Variants in KPNA1 observed in about 807,000 individuals in gnomAD.
KPNA1 encodes the protein karyopherin subunit alpha 1.
A neutral mutation model predicts 70.5 loss-of-function variants in KPNA1; 10 were observed. The ratio of observed to expected loss-of-function variants is 0.14; its 90% confidence interval spans 0.09 to 0.24. KPNA1 has a LOEUF of 0.24. KPNA1 is among the 10% of genes least tolerant of loss of function. The pLI is 1.00. For synonymous variants in KPNA1, 192 were observed against 221.9 expected, an observed-to-expected ratio of 0.87 and a Z score of 1.20; for missense variants, 397 against 637.9, an observed-to-expected ratio of 0.62 and a Z score of 4.07.
chr3:122,437,280 A>G lies in KPNA1; in HGVS notation c.1012T>C (p.Ser338Pro), dbSNP rs1226031500. Residue 338 changes from serine (S) to proline (P), a missense_variant, in exon 11 of 14, where the codon TCA becomes CCA. Ser to Pro is a moderately conservative substitution (Grantham distance 74, BLOSUM62 -1). Coordinates refer to ENST00000344337, the MANE Select transcript of KPNA1 (RefSeq NM_002264.4). ...DIQTQVILNC[S>P]ALQSLLHLLS... ...AAATGCAATAAACTCTGCAGAGCTG[A>G]GCAATTCAGAATTACCTAAAAGAAA... is the stretch of plus-strand genomic sequence containing the variant. The G allele has an allele frequency of 6.2e-7, 1 of 1,605,286 alleles. No homozygotes were observed. The highest frequency in any genetic ancestry group is 8.5e-7 in the Non-Finnish European group (1 of 1,176,828).
At chr3:122,452,131 A>T in intron 6 of KPNA1, 67 bp from the exon 7 acceptor site, 1 of 990,204 alleles carries the variant, frequency 1.0e-6, no homozygotes, top group Non-Finnish European at 1.6e-6. Context: ...TTCAGATGCC[A>T]GTATATCACA....
At chr3:122,461,087 C>T in intron 5 of KPNA1, 137 bp downstream of exon 5, 1 of 509,018 alleles carries the variant, frequency 2.0e-6, no homozygotes, top group Non-Finnish European at 3.5e-6. Context: ...AAGCAGCTTG[C>T]AATGTAGTTG....
At chr3:122,501,831 C>CTTA (rs958969335) in intron 1 of KPNA1, among the ~76,000 whole-genome samples, 1 of 152,152 alleles carries the variant, frequency 6.6e-6, no homozygotes, top group African/African-American at 2.4e-5. Flanking sequence ...GCCTCCAACT[C>CTTA]TTATTACTGA....
chr3:122,465,025 T>C (rs2076364633), intron 3 of KPNA1, among the ~76,000 whole-genome samples: 1 of 152,238 alleles, frequency 6.6e-6, no homozygotes. Flanking sequence ...CATTCATATA[T>C]ATATATACAC....
chr3:122,484,372 T>C (rs1466847482), intron 2 of KPNA1, among the ~76,000 whole-genome samples: 6 of 152,140 alleles, frequency 3.9e-5, no homozygotes, highest in Non-Finnish European at 8.8e-5. Context: ...TTATAAAAAA[T>C]AAACATGACC....
intron 4 of KPNA1, among the ~76,000 whole-genome samples, chr3:122,462,028 G>A (rs2076329481): frequency 6.6e-6 from 1 of 152,156 alleles, no homozygotes; most frequent in Non-Finnish European, 1.5e-5. Context: ...TGGCCTTACT[G>A]AAAGAGGTGA....
chr3:122,499,077 A>T (rs2076795134), intron 1 of KPNA1, among the ~76,000 whole-genome samples: 1 of 152,230 alleles, frequency 6.6e-6, no homozygotes, highest in South Asian at 2.1e-4. Context: ...TGTATTTTAC[A>T]ATCCTGCTGA....
Position 122,496,496 on chromosome 3 carries a change from T to C in KPNA1, c.70A>G (p.Met24Val). Reference sequence around the variant, plus strand: ...CCTTCTTCCTCCCTCCTCCTGCGCATCTCATCGGGATTCAGAGATTTGTTC... The same window carrying C: ...CCTTCTTCCTCCCTCCTCCTGCGCACCTCATCGGGATTCAGAGATTTGTTC... ...YKNKSLNPDE[M>V]RRRREEEGLQ... The change falls in exon 2 of 14, where the codon ATG (methionine) becomes GTG (valine). Residue 24 changes from methionine (M) to valine (V), a missense_variant. Coordinates refer to ENST00000344337, the MANE Select transcript of KPNA1 (RefSeq NM_002264.4). The C allele has an allele frequency of 1.2e-6, 2 of 1,611,358 alleles. No individual in the cohort carries two copies. The highest frequency in any genetic ancestry group is 1.7e-6 in the Non-Finnish European group (2 of 1,177,532).
chr3:122,449,425 T>C (rs905378765), intron 9 of KPNA1, 149 bp downstream of exon 9: 6 of 630,950 alleles, frequency 9.5e-6, no homozygotes, highest in Admixed American at 3.4e-5. Flanking sequence ...CAAACAGATC[T>C]GACATCAAAA....
At position 122,426,848 on chromosome 3, in the gene KPNA1, C is replaced by T. The variant is rs776922157; in HGVS notation, c.*137G>A. On this transcript the variant is annotated 3_prime_UTR_variant, in exon 14 of 14. Transcript: ENST00000344337. ...CCAGATGTGTGTAAGAGAGCAGGTG[C>T]GCAAGGCAAGCAAATGAGCGCAAAC... 4.9e-5 allele frequency: 31 copies of T among 638,850 alleles called. No individual in the cohort carries two copies. The highest frequency in any genetic ancestry group is 7.7e-5 in the Non-Finnish European group (29 of 378,242). 39.6% of individuals were successfully genotyped at this position (638,850 alleles called of 1,614,324 possible).
At chr3:122,439,749 CTG>C (rs1269506944) in intron 10 of KPNA1, among the ~76,000 whole-genome samples, 2 of 151,828 alleles carry the variant, frequency 1.3e-5, no homozygotes, top group East Asian at 1.9e-4. Flanking sequence ...CAGCAACAAC[CTG>C]TGTGTGTGAC....
chr3:122,437,686 G>A (rs999564127), intron 10 of KPNA1, among the ~76,000 whole-genome samples: 8 of 152,024 alleles, frequency 5.3e-5, no homozygotes, highest in African/African-American at 1.5e-4. Flanking sequence ...GTCAATGAAC[G>A]AATACGTACT....
chr3:122,507,331 C>G lies in KPNA1; in HGVS notation c.-6+7426G>C, dbSNP rs187778824. ...TGGCGGGCGCTTGCAATCCCAGCTA[C>G]TCGGGAGGTTGAGGCAGGAGAATCA... On this transcript the variant is annotated intron_variant, in intron 1 of 13. Coordinates refer to ENST00000344337, the MANE Select transcript of KPNA1 (RefSeq NM_002264.4). Among the ~76,000 whole-genome samples the G allele has an allele frequency of 2.6e-3, 399 of 151,570 alleles. 9 individuals carry two copies. Among genetic ancestry groups the G allele is most frequent in the East Asian group, 0.023 (120 of 5,160 alleles).
chr3:122,434,474 G>A (rs761660079), intron 11 of KPNA1, among the ~76,000 whole-genome samples: 2 of 152,132 alleles, frequency 1.3e-5, no homozygotes, highest in Non-Finnish European at 2.9e-5. Flanking sequence ...TGGAGCATCA[G>A]CCCAGGGTAG....
At chr3:122,473,822 T>A (rs964132218) in intron 2 of KPNA1, among the ~76,000 whole-genome samples, 21 of 152,150 alleles carry the variant, frequency 1.4e-4, no homozygotes, top group African/African-American at 4.6e-4. Context: ...CTCTCACTAC[T>A]CCTTTTCAAC....
At position 122,440,672 on chromosome 3, in the gene KPNA1, T is replaced by G. The variant is rs962090017; in HGVS notation, c.996+1366A>C. Among the ~76,000 whole-genome samples the G allele has an allele frequency of 2.0e-5, 3 of 152,214 alleles. No individual in the cohort carries two copies. The South Asian group carries it at 6.2e-4, about 32-fold the overall frequency. ...CTTCCAGAGAAATTTTATGCAAATA[T>G]AGTCAAACATATATTCTTTTCTTCT... On this transcript the variant is annotated intron_variant, in intron 10 of 13. Transcript: ENST00000344337.
Position 122,427,101 on chromosome 3 carries a change from C to T in KPNA1, c.1501G>A (p.Glu501Lys). 1 of 1,614,106 alleles carries T rather than the reference C, an allele frequency of 6.2e-7. No individual in the cohort carries two copies. Among genetic ancestry groups the T allele is most frequent in the African/African-American group, 1.3e-5 (1 of 75,038 alleles). The change falls in exon 14 of 14, where the codon GAG becomes AAG. Residue 501 changes from glutamate (E) to lysine (K), a missense_variant. By Grantham distance (56) the Glu-to-Lys change is moderately conservative. Transcript: ENST00000344337. ...EIYQKAFDLI[E>K]HYFGTEDEDS... is the part of the protein sequence containing the mutation. The stretch of plus-strand genomic sequence containing the variant: ...TCATCTTCGGTCCCGAAGTAATGCT[C>T]AATAAGATCAAAGGCCTTTTGGTAG...
At chr3:122,473,877 A>G (rs2107755481) in intron 2 of KPNA1, among the ~76,000 whole-genome samples, 1 of 152,328 alleles carries the variant, frequency 6.6e-6, no homozygotes, top group South Asian at 2.1e-4. Context: ...AAGAAAAGGG[A>G]AAAAGGCATG....
chr3:122,427,071 T>C lies in KPNA1; in HGVS notation c.1531A>G (p.Ser511Gly), dbSNP rs969349638. 3 of 1,614,090 alleles carry C rather than the reference T, an allele frequency of 1.9e-6. No homozygotes were observed. In the African/African-American group the frequency reaches 4.0e-5, roughly 22 times the overall value. The stretch of plus-strand genomic sequence containing the variant: ...AGGTCAACCTGGGGTGCAATGCTGC[T>C]GTCTTCATCTTCGGTCCCGAAGTAA... ...EHYFGTEDED[S>G]SIAPQVDLNQ... The change falls in exon 14 of 14, where the codon AGC becomes GGC. Residue 511 changes from serine to glycine, a missense_variant. By Grantham distance (56) the Ser-to-Gly change is moderately conservative. Transcript: ENST00000344337.
Sources: gnomAD v4.1 joint callset for allele counts (sites outside exome capture counted in the v4.1 genomes callset) on GRCh38, gnomAD v4.1.1 for gene constraint, MANE v1.5 for transcripts, NCBI Gene and HGNC (gene_info 2026-07-23, HGNC 2026-07-21) for gene names.